Variants in RBPJ observed in about 807,000 individuals in gnomAD.
RBPJ encodes recombining binding protein suppressor of hairless.
In RBPJ, 9 loss-of-function variants were observed where a neutral mutation model predicts 67.8. The observed-to-expected ratio is 0.13, with a 90% CI of 0.08 to 0.23. The LOEUF (loss-of-function observed/expected upper bound fraction) is 0.23, where lower values mean the gene tolerates loss of function less well. Among genes scored for constraint, RBPJ ranks in the 10% least tolerant of loss-of-function variants. RBPJ has a pLI of 1.00. For synonymous variants in RBPJ, 198 were observed against 203.3 expected (o/e 0.97, Z 0.22); for missense variants, 305 against 595.6 (o/e 0.51, Z 5.08).
intron 1 of RBPJ, among the ~76,000 whole-genome samples, chr4:26,217,992 G>A (rs919154525): frequency 1.3e-5 from 2 of 152,086 alleles, no homozygotes; most frequent in African/African-American, 4.8e-5. Flanking sequence ...AACAGACCGG[G>A]GCATTTCCAC....
intron 1 of RBPJ, among the ~76,000 whole-genome samples, chr4:26,178,268 A>C (rs2109125348): frequency 6.6e-6 from 1 of 152,294 alleles, no homozygotes; most frequent in Non-Finnish European, 1.5e-5. Flanking sequence ...CTAGCTGGAG[A>C]ACCACTGGAC....
intron 1 of RBPJ, among the ~76,000 whole-genome samples, chr4:26,303,102 A>G (rs1024994257): frequency 6.6e-6 from 1 of 151,728 alleles, no homozygotes; most frequent in Non-Finnish European, 1.5e-5. Context: ...AAACGCTTGA[A>G]TCTGGGAGGT....
rs562236028 is a variant in RBPJ at position 26,372,397 on chromosome 4, T to C, written c.21-13956T>C. ...TTAAATAGCTACAGTGGAGCTCATCTTTAAAGAAAAACTAGTCTCTTGTTT... is the reference window on the plus strand; with the variant it reads ...TTAAATAGCTACAGTGGAGCTCATCCTTAAAGAAAAACTAGTCTCTTGTTT... On this transcript the variant is annotated intron_variant, in intron 1 of 10. Coordinates refer to ENST00000355476, the MANE Select transcript of RBPJ (RefSeq NM_015874.6). 3.9e-5 allele frequency among the ~76,000 whole-genome samples: 6 copies of C among 152,342 alleles called. No individual in the cohort carries two copies. In the East Asian group the frequency reaches 5.8e-4, roughly 15 times the overall value.
chr4:26,139,917 T>G, the RBPJ span, among the ~76,000 whole-genome samples: 4 of 152,228 alleles, frequency 2.6e-5, no homozygotes. Flanking sequence ...CAGACCCACC[T>G]GGAGCCTCTG....
At chr4:26,155,285 G>A in the RBPJ span, among the ~76,000 whole-genome samples, 6 of 152,086 alleles carry the variant, frequency 3.9e-5, no homozygotes, top group East Asian at 3.9e-4. Context: ...CCAGCTGAGC[G>A]CCATTTCCAT....
chr4:26,160,353 G>T (rs758042996), upstream of RBPJ, among the ~76,000 whole-genome samples: 14 of 152,348 alleles, frequency 9.2e-5, no homozygotes, highest in Non-Finnish European at 2.1e-4. Flanking sequence ...AGGTGCCCAA[G>T]TGTCAGGCTG....
chr4:26,393,885 A>G (rs1374837227), intron 2 of RBPJ, among the ~76,000 whole-genome samples: 2 of 152,144 alleles, frequency 1.3e-5, no homozygotes, highest in Non-Finnish European at 2.9e-5. Context: ...CCATTTTCCA[A>G]ATTAAGCAAT....
At chr4:26,149,945 C>T in the RBPJ span, among the ~76,000 whole-genome samples, 7 of 152,242 alleles carry the variant, frequency 4.6e-5, no homozygotes, top group Non-Finnish European at 8.8e-5. Context: ...GCAGAATTTA[C>T]GTTTCTTAGC....
At position 26,421,990 on chromosome 4, in the gene RBPJ, C is replaced by T. The variant is rs556242631; in HGVS notation, c.496+1265C>T. On this transcript the variant is annotated intron_variant, in intron 5 of 10. Coordinates refer to ENST00000355476, the MANE Select transcript of RBPJ (RefSeq NM_015874.6). ...TTAGTCTGTAATAGTTTCTTCTCAC[C>T]CTCTCTCACCTTTGTTTTCCTTCTA... Among the ~76,000 whole-genome samples the T allele has an allele frequency of 3.3e-5, 5 of 152,144 alleles. No individual in the cohort carries two copies. In the South Asian group the frequency reaches 6.2e-4, roughly 19 times the overall value.
chr4:26,411,192 C>G (rs1450129649), intron 3 of RBPJ, among the ~76,000 whole-genome samples: 2 of 152,114 alleles, frequency 1.3e-5, no homozygotes, highest in Non-Finnish European at 2.9e-5. Context: ...AGGAGGATCC[C>G]TTGAGACCAG....
chr4:26,204,241 C>G (rs1718090617), intron 1 of RBPJ, among the ~76,000 whole-genome samples: 1 of 152,186 alleles, frequency 6.6e-6, no homozygotes, highest in Non-Finnish European at 1.5e-5. Flanking sequence ...AGCCACCATG[C>G]CTGGCTGAAG....
chr4:26,146,262 T>G, the RBPJ span, among the ~76,000 whole-genome samples: 1 of 152,192 alleles, frequency 6.6e-6, no homozygotes, highest in African/African-American at 2.4e-5. Context: ...CAACTGATTT[T>G]CAACAAAAGT....
intron 1 of RBPJ, among the ~76,000 whole-genome samples, chr4:26,354,091 C>T (rs534553058): frequency 2.0e-5 from 3 of 151,594 alleles, no homozygotes; most frequent in South Asian, 2.1e-4. Flanking sequence ...CCACCATGCC[C>T]GGCTAATTTT....
intron 1 of RBPJ, among the ~76,000 whole-genome samples, chr4:26,293,553 T>A (rs1429430507): frequency 6.7e-6 from 1 of 150,252 alleles, no homozygotes. Flanking sequence ...GAAAGTTTGC[T>A]TGAACCCAGG....
rs76686611 is a variant in RBPJ at position 26,269,135 on chromosome 4, A to G, written c.-166-93311A>G. ...AGTGCTGTTGAAAGCACTTTCTCCA[A>G]TTCCCTTCCCTCTGAGCCCATCACT... On this transcript the variant is annotated intron_variant, in intron 1 of 4. Coordinates refer to the RBPJ transcript ENST00000512351. 3.0e-4 allele frequency among the ~76,000 whole-genome samples: 45 copies of G among 152,146 alleles called. No homozygotes were observed. The East Asian group carries it at 7.3e-3, about 25-fold the overall frequency.
intron 1 of RBPJ, among the ~76,000 whole-genome samples, chr4:26,234,987 C>A (rs569069709): frequency 3.9e-5 from 6 of 152,218 alleles, no homozygotes; most frequent in South Asian, 2.1e-4. Context: ...CCACTGTGCC[C>A]GGCCTGTTTC....
At chr4:26,225,444 G>A (rs941760937) in intron 1 of RBPJ, among the ~76,000 whole-genome samples, 2 of 152,168 alleles carry the variant, frequency 1.3e-5, no homozygotes, top group Non-Finnish European at 2.9e-5. Flanking sequence ...AGTGTTTGCC[G>A]GGGAAAGGGA....
chr4:26,112,280 T>C, the RBPJ span: 1 of 153,034 alleles, frequency 6.5e-6, no homozygotes, highest in Non-Finnish European at 1.5e-5. Context: ...ATAAAATATG[T>C]GACTTGTGTG....
At chr4:26,378,940 T>G (rs1452588889) in intron 1 of RBPJ, among the ~76,000 whole-genome samples, 1 of 151,992 alleles carries the variant, frequency 6.6e-6, no homozygotes, top group Non-Finnish European at 1.5e-5. Context: ...GCAGGAGAAT[T>G]GCTTGAACCC....
Sources: gnomAD v4.1 joint callset for allele counts (sites outside exome capture counted in the v4.1 genomes callset) on GRCh38, gnomAD v4.1.1 for gene constraint, MANE v1.5 for transcripts, NCBI Gene and HGNC (gene_info 2026-07-23, HGNC 2026-07-21) for gene names.